The following XIRP2 variants were observed in gnomAD, a reference collection of about 807,000 sequenced individuals.
XIRP2 encodes the protein xin actin binding repeat containing 2.
Under a neutral mutation model 277.0 loss-of-function variants are expected in XIRP2, and 236 were observed. The observed-to-expected ratio is 0.85, with a 90% CI of 0.77 to 0.95. XIRP2 has a LOEUF of 0.95. Ranked by LOEUF, XIRP2 falls within the 40% of genes least tolerant of loss-of-function variation. The pLI is 0.00. For missense variants in XIRP2, 4,640 were observed against 4,157.5 expected, an observed-to-expected ratio of 1.12 and a Z score of -3.19; for synonymous variants, 1,490 against 1,416.5, an observed-to-expected ratio of 1.05 and a Z score of -1.17.
chr2:167,092,493 G>A (rs747680841), intron 2 of XIRP2, among the ~76,000 whole-genome samples: 1 of 152,018 alleles, frequency 6.6e-6, no homozygotes, highest in African/African-American at 2.4e-5. Context: ...ACACTTTTCA[G>A]TATAAAAGTA....
chr2:167,081,517 A>G (rs1209016367), intron 2 of XIRP2, among the ~76,000 whole-genome samples: 1 of 152,158 alleles, frequency 6.6e-6, no homozygotes, highest in Admixed American at 6.5e-5. Flanking sequence ...TTACATGATT[A>G]CTTTCATTAA....
rs1307791917 is a variant in XIRP2, at chr2:167,214,190, A to AAG, written c.723+3305_723+3306dup. Among the ~76,000 whole-genome samples, 11 of 95,472 alleles carry AAG rather than the reference A, an allele frequency of 1.2e-4. 1 individual carries two copies. In the South Asian group the frequency reaches 1.3e-3, roughly 11 times the overall value. 62.6% of individuals were successfully genotyped at this position (95,472 alleles called of 152,430 possible). A position where few individuals can be genotyped will look rare whatever the true frequency, so the allele number is the denominator to read the frequency against. On this transcript the variant is annotated intron_variant, in intron 4 of 10. Transcript: ENST00000409195. ...AGAGAAAGAAGGAAGGAAGGAAGGA[A>AAG]AGAGAGAGAGAAAGAGAGGGAGGGA... is the stretch of plus-strand genomic sequence containing the variant.
In XIRP2 at chr2:167,246,130, G is replaced by A. The variant is rs1355435959; in HGVS notation, c.4738G>A (p.Val1580Ile). 3.1e-6 allele frequency: 5 copies of A among 1,613,364 alleles called. No individual in the cohort carries two copies. The South Asian group carries it at 5.5e-5, about 18-fold the overall frequency. The change falls in exon 9 of 11, where the codon GTT (valine) becomes ATT (isoleucine). Residue 1580 changes from valine (V) to isoleucine (I), a missense_variant. Physicochemically the swap from Val to Ile is conservative, Grantham distance 29. Coordinates refer to ENST00000409195, the MANE Select transcript of XIRP2 (RefSeq NM_152381.6). ...IIIEADEIGD[V>I]RMAKYKLMNQ... ...CATTGAAGCTGATGAAATAGGGGAT[G>A]TTCGAATGGCAAAATACAAGCTAAT...
chr2:167,175,855 A>C (rs1487168005), intron 3 of XIRP2, among the ~76,000 whole-genome samples: 1 of 152,114 alleles, frequency 6.6e-6, no homozygotes, highest in Non-Finnish European at 1.5e-5. Flanking sequence ...AGGAATCTAG[A>C]GAGGCAGTCT....
intron 2 of XIRP2, among the ~76,000 whole-genome samples, chr2:167,116,369 C>G (rs1356759513): frequency 1.3e-5 from 2 of 152,262 alleles, no homozygotes; most frequent in Non-Finnish European, 1.5e-5. Context: ...ATCGATTAAC[C>G]ATTTTTATAA....
rs769313714 is a variant in XIRP2 at position 167,258,969 on chromosome 2, A to AG, written c.*1158dup. ...AGCCTCAGCAGAGGCCTTATGGTAAAGGGGGGAAGTTCAATCATCTCTCCT... is the reference window on the plus strand; with the variant it reads ...AGCCTCAGCAGAGGCCTTATGGTAAAGGGGGGGAAGTTCAATCATCTCTCCT... On this transcript the variant is annotated 3_prime_UTR_variant, in exon 11 of 11. Transcript: ENST00000409195. The AG allele has an allele frequency of 6.2e-7, 1 of 1,612,416 alleles. No individual in the cohort carries two copies. Among genetic ancestry groups the AG allele is most frequent in the East Asian group, 2.2e-5 (1 of 44,780 alleles).
rs1341806477 is a variant in XIRP2, at chr2:167,247,787, A to G, written c.6395A>G (p.Asp2132Gly). The G allele has an allele frequency of 6.2e-7, 1 of 1,613,286 alleles. No individual in the cohort carries two copies. The highest frequency in any genetic ancestry group is 8.5e-7 in the Non-Finnish European group (1 of 1,179,666). Residue 2132 changes from aspartate to glycine, a missense_variant, in exon 9 of 11, where the codon GAC becomes GGC. Physicochemically the swap from Asp to Gly is moderately conservative, Grantham distance 94. Coordinates refer to ENST00000409195, the MANE Select transcript of XIRP2 (RefSeq NM_152381.6). ...GKQQTYELRN[D>G]HQKMEGFHIK... Reference sequence around the variant, plus strand: ...CAACAGACATATGAACTGAGAAATGACCACCAGAAAATGGAGGGTTTTCAT... The same window carrying G: ...CAACAGACATATGAACTGAGAAATGGCCACCAGAAAATGGAGGGTTTTCAT...
At chr2:167,140,333 T>G (rs1691678465) in intron 3 of XIRP2, among the ~76,000 whole-genome samples, 1 of 152,202 alleles carries the variant, frequency 6.6e-6, no homozygotes, top group South Asian at 2.1e-4. Flanking sequence ...AGCAAACCTT[T>G]GTCTAAATAC....
Position 167,250,046 on chromosome 2 carries a change from A to G in XIRP2, c.8654A>G (p.Lys2885Arg). The change falls in exon 9 of 11, where the codon AAA (lysine) becomes AGA (arginine). Residue 2885 changes from lysine to arginine, a missense_variant. Lys to Arg is a conservative substitution (Grantham distance 26). Transcript: ENST00000409195. ...GCTGAAAGTAAAGCTGAACATAAAA[A>G]ATTGCCCCAGCCATATAATAGTCTG... ...QTAESKAEHKKLPQPYNSLQE... is the reference protein window; with the variant it reads ...QTAESKAEHKRLPQPYNSLQE... 6.2e-7 allele frequency: 1 copy of G among 1,613,634 alleles called. No homozygotes were observed. Among genetic ancestry groups the G allele is most frequent in the Non-Finnish European group, 8.5e-7 (1 of 1,179,714 alleles).
chr2:167,004,750 A>C (rs1443118012), intron 2 of XIRP2, among the ~76,000 whole-genome samples: 6 of 151,928 alleles, frequency 3.9e-5, no homozygotes, highest in Non-Finnish European at 1.5e-5. Flanking sequence ...TAGTTAGTGC[A>C]TGATTCAATG....
chr2:167,113,540 G>A (rs1690818367), intron 2 of XIRP2, among the ~76,000 whole-genome samples: 1 of 152,132 alleles, frequency 6.6e-6, no homozygotes, highest in Non-Finnish European at 1.5e-5. Flanking sequence ...GGATGTCATT[G>A]CATGTGAGTG....
chr2:167,089,007 T>C (rs1328293999), intron 2 of XIRP2, among the ~76,000 whole-genome samples: 1 of 152,104 alleles, frequency 6.6e-6, no homozygotes, highest in Non-Finnish European at 1.5e-5. Flanking sequence ...ACTCAACAAA[T>C]GTTTGGTAAA....
rs569436354 is a variant in XIRP2 at position 167,257,985 on chromosome 2, A to G, written c.*168A>G. 1 of 1,613,204 alleles carries G rather than the reference A, an allele frequency of 6.2e-7. No individual in the cohort carries two copies. Among genetic ancestry groups the G allele is most frequent in the Non-Finnish European group, 8.5e-7 (1 of 1,179,464 alleles). On this transcript the variant is annotated 3_prime_UTR_variant, in exon 11 of 11. Transcript: ENST00000409195. ...CAGCATAAAGATAGATGGAACTGCA[A>G]AAACCAAAGCAGATCAGTGGACTTT...
At chr2:167,077,199 A>G (rs1689594890) in intron 2 of XIRP2, among the ~76,000 whole-genome samples, 1 of 152,074 alleles carries the variant, frequency 6.6e-6, no homozygotes, top group Admixed American at 6.6e-5. Flanking sequence ...GGGGAGAAAA[A>G]GATTATTATT....
At chr2:167,214,323 G>GA (rs2105395226) in intron 4 of XIRP2, among the ~76,000 whole-genome samples, 1 of 149,976 alleles carries the variant, frequency 6.7e-6, no homozygotes, top group Admixed American at 6.6e-5. Context: ...AAGGAAGGAA[G>GA]GAAGATAGCC....
At chr2:166,996,500 G>A (rs1036174005) in intron 2 of XIRP2, among the ~76,000 whole-genome samples, 2 of 152,084 alleles carry the variant, frequency 1.3e-5, no homozygotes, top group Non-Finnish European at 2.9e-5. Context: ...GGTGATGCAC[G>A]CCTGTAATCT....
intron 2 of XIRP2, 87 bp downstream of exon 2, chr2:166,903,977 C>A: frequency 6.9e-7 from 1 of 1,449,526 alleles, no homozygotes; most frequent in Non-Finnish European, 9.3e-7. Context: ...AATCTTTCCC[C>A]CCGCCAGTAT....
At chr2:166,923,150 A>G (rs1685099686) in intron 2 of XIRP2, among the ~76,000 whole-genome samples, 1 of 152,152 alleles carries the variant, frequency 6.6e-6, no homozygotes, top group Non-Finnish European at 1.5e-5. Context: ...AGTGGTAGCT[A>G]AAGTACAGAT....
chr2:167,137,525 GT>G (rs75811030), intron 3 of XIRP2, among the ~76,000 whole-genome samples: 6,026 of 152,252 alleles, frequency 0.04, 189 homozygotes, highest in East Asian at 0.13. Flanking sequence ...ACTGATCGAA[GT>G]TACATGAGAT....
Sources: allele counts gnomAD v4.1 joint callset (sites outside exome capture counted in the v4.1 genomes callset), GRCh38; gene constraint gnomAD v4.1.1; transcripts MANE v1.5; gene names NCBI Gene and HGNC (gene_info 2026-07-23, HGNC 2026-07-21).